The following SBF2 variants were observed in gnomAD, a reference collection of about 807,000 sequenced individuals.
The protein encoded by SBF2 is SET binding factor 2.
SBF2 carries 112 observed loss-of-function variants against 225.2 expected under a neutral mutation model. The observed-to-expected ratio is 0.50, with a 90% CI of 0.43 to 0.58. SBF2 has a LOEUF of 0.58. Among genes scored for constraint, SBF2 ranks in the 20% least tolerant of loss-of-function variants. SBF2 has a pLI of 0.00. For missense variants in SBF2, 1,996 were observed against 2,206.2 expected (o/e 0.90, Z 1.91); for synonymous variants, 763 against 773.3 (o/e 0.99, Z 0.22).
At chr11:9,881,565 A>T (rs1859763071) in intron 17 of SBF2, among the ~76,000 whole-genome samples, 1 of 152,126 alleles carries the variant, frequency 6.6e-6, no homozygotes, top group Non-Finnish European at 1.5e-5. Flanking sequence ...AGAGGATTCA[A>T]ATCTCACTCC....
intron 2 of SBF2, among the ~76,000 whole-genome samples, chr11:10,090,886 TTTC>T (rs1338059700): frequency 6.6e-6 from 1 of 152,092 alleles, no homozygotes; most frequent in South Asian, 2.1e-4. Flanking sequence ...CAATTCCTTT[TTTC>T]TTCTTCAATT....
intron 2 of SBF2, among the ~76,000 whole-genome samples, chr11:10,131,656 G>A (rs1029124622): frequency 2.0e-5 from 3 of 152,068 alleles, no homozygotes; most frequent in Non-Finnish European, 2.9e-5. Flanking sequence ...CTGGAGGCTG[G>A]TCTCAAACTC....
chr11:10,278,841 G>A (rs1963182563), intron 1 of SBF2, among the ~76,000 whole-genome samples: 1 of 150,116 alleles, frequency 6.7e-6, no homozygotes, highest in Non-Finnish European at 1.5e-5. Context: ...TTTAATCAAT[G>A]CCTTCACTTT....
At chr11:9,933,439 C>G (rs552546449) in intron 16 of SBF2, among the ~76,000 whole-genome samples, 1 of 152,270 alleles carries the variant, frequency 6.6e-6, no homozygotes, top group African/African-American at 2.4e-5. Context: ...TGTAAAAGAA[C>G]AGAAATCACA....
At chr11:9,905,034 C>A (rs1862016616) in intron 16 of SBF2, among the ~76,000 whole-genome samples, 1 of 152,024 alleles carries the variant, frequency 6.6e-6, no homozygotes, top group African/African-American at 2.4e-5. Context: ...AAGAACAAAA[C>A]AAAACAAAAA....
chr11:10,025,985 G>C (rs1356758510), intron 6 of SBF2, among the ~76,000 whole-genome samples: 1 of 151,884 alleles, frequency 6.6e-6, no homozygotes, highest in Non-Finnish European at 1.5e-5. Flanking sequence ...CACCATTACT[G>C]GAAGAGAGCT....
At chr11:10,205,648 C>T (rs1957726935) in intron 1 of SBF2, among the ~76,000 whole-genome samples, 1 of 152,022 alleles carries the variant, frequency 6.6e-6, no homozygotes. Context: ...GAACCATGAG[C>T]AGGGGATAGA....
Position 9,850,053 on chromosome 11 carries a change from G to T in SBF2, c.2776C>A (p.Leu926Ile), listed in dbSNP as rs1193714532. The T allele has an allele frequency of 1.2e-6, 2 of 1,614,076 alleles. No homozygotes were observed. Among genetic ancestry groups the T allele is most frequent in the Admixed American group, 1.7e-5 (1 of 60,022 alleles). Residue 926 changes from leucine (L) to isoleucine (I), a missense_variant, in exon 22 of 40, where the codon CTC becomes ATC. By Grantham distance (5) the Leu-to-Ile change is conservative (BLOSUM62 2). Coordinates refer to ENST00000256190, the MANE Select transcript of SBF2 (RefSeq NM_030962.4). ...GALFLTTYRI[L>I]FRGTPHDQLV... ...TGATCATGGGGTGTTCCTCTGAAGA[G>T]AATTCTGTATGTGGTGAGGAACAAG...
chr11:10,078,161 G>C (rs1251414828), intron 2 of SBF2, among the ~76,000 whole-genome samples: 2 of 152,312 alleles, frequency 1.3e-5, no homozygotes, highest in East Asian at 3.9e-4. Flanking sequence ...AGGATATGGA[G>C]AAATAGAAAC....
At chr11:10,162,817 T>C (rs1281215785) in intron 2 of SBF2, among the ~76,000 whole-genome samples, 4 of 152,174 alleles carry the variant, frequency 2.6e-5, no homozygotes, top group African/African-American at 9.7e-5. Flanking sequence ...ATATGACCTT[T>C]ACAGATCCAA....
At chr11:10,028,842 T>C (rs551320089) in intron 5 of SBF2, among the ~76,000 whole-genome samples, 7 of 152,254 alleles carry the variant, frequency 4.6e-5, no homozygotes, top group African/African-American at 1.4e-4. Context: ...AGTCAACAAC[T>C]TTAATAAAGG....
At chr11:9,852,519 TC>T (rs1402885399) in intron 21 of SBF2, among the ~76,000 whole-genome samples, 156 bp downstream of exon 21, 4 of 152,320 alleles carry the variant, frequency 2.6e-5, no homozygotes, top group Non-Finnish European at 5.9e-5. Flanking sequence ...TTTATAAGGT[TC>T]TATATGACAC....
chr11:9,888,260 A>G (rs1161062170), intron 17 of SBF2, among the ~76,000 whole-genome samples: 1 of 152,196 alleles, frequency 6.6e-6, no homozygotes, highest in Non-Finnish European at 1.5e-5. Context: ...CACTTGGGGA[A>G]GCCAAGGGGG....
chr11:9,813,472 C>T (rs1316472633), intron 29 of SBF2, among the ~76,000 whole-genome samples: 1 of 152,032 alleles, frequency 6.6e-6, no homozygotes, highest in Admixed American at 6.5e-5. Flanking sequence ...GGACTACAGT[C>T]GTGCGCCACC....
chr11:9,934,777 G>A (rs1447897150), intron 16 of SBF2, among the ~76,000 whole-genome samples: 2 of 152,028 alleles, frequency 1.3e-5, no homozygotes, highest in African/African-American at 2.4e-5. Context: ...AAAAACTCTC[G>A]ATAAACAAGG....
chr11:9,914,888 T>A (rs1211275598), intron 16 of SBF2, among the ~76,000 whole-genome samples: 1 of 122,502 alleles, frequency 8.2e-6, no homozygotes, highest in Non-Finnish European at 1.6e-5. Context: ...TATACCACTA[T>A]GTTACAGGGT....
At chr11:9,943,638 T>C (rs1311831084) in intron 16 of SBF2, among the ~76,000 whole-genome samples, 4 of 152,060 alleles carry the variant, frequency 2.6e-5, no homozygotes, top group East Asian at 1.9e-4. Flanking sequence ...GTTCCACTTA[T>C]TAGTCATCAG....
Position 9,778,874 on chromosome 11 carries a change from AAAG to A in SBF2, c.*1541_*1543del, listed in dbSNP as rs547558437. 1.8e-3 allele frequency: 271 copies of A among 152,800 alleles called. No homozygotes were observed. The highest frequency in any genetic ancestry group is 6.2e-3 in the African/African-American group (257 of 41,592). 9.5% of individuals were successfully genotyped at this position (152,800 alleles called of 1,614,324 possible). A position where few individuals can be genotyped will look rare whatever the true frequency, so the allele number is the denominator to read the frequency against. On this transcript the variant is annotated 3_prime_UTR_variant, in exon 40 of 40. Transcript: ENST00000256190. Reference sequence around the variant, plus strand: ...CGAAAGTTAAAGTAATCCAGTTACAAAAGAAGCACTGTGTATAGTCTCAAATAG... The same window carrying A: ...CGAAAGTTAAAGTAATCCAGTTACAAAAGCACTGTGTATAGTCTCAAATAG...
intron 16 of SBF2, among the ~76,000 whole-genome samples, chr11:9,938,292 G>GA (rs972201001): frequency 9.7e-4 from 120 of 123,248 alleles, no homozygotes; most frequent in Middle Eastern, 9.1e-3. Flanking sequence ...CTCCGTCTCA[G>GA]AAAAAAAAAA....
Sources: allele counts gnomAD v4.1 joint callset (sites outside exome capture counted in the v4.1 genomes callset), GRCh38; gene constraint gnomAD v4.1.1; transcripts MANE v1.5; gene names NCBI Gene and HGNC (gene_info 2026-07-23, HGNC 2026-07-21).